ACTL6B: variants seen among roughly 807,000 people sequenced by gnomAD.
ACTL6B encodes actin like 6B.
A neutral mutation model predicts 63.3 loss-of-function variants in ACTL6B; 48 were observed. That is an observed-to-expected ratio of 0.76 (90% confidence interval 0.60 to 0.96). ACTL6B has a LOEUF of 0.96. Ranked by LOEUF, ACTL6B falls within the 50% of genes least tolerant of loss-of-function variation. The pLI is 0.00. For synonymous variants in ACTL6B, 230 were observed against 223.8 expected (o/e 1.03, Z -0.25); for missense variants, 350 against 572.2 (o/e 0.61, Z 3.96).
At chr7:100,644,019 CCTG>C (rs1401582675) in intron 13 of ACTL6B, among the ~76,000 whole-genome samples, 2 of 152,258 alleles carry the variant, frequency 1.3e-5, no homozygotes, top group East Asian at 3.9e-4. Flanking sequence ...CCTGCTTCAG[CCTG>C]CTGGGTAGCT....
In ACTL6B at chr7:100,648,225, T is replaced by C. The variant is rs150261646; in HGVS notation, c.669+331A>G. On this transcript the variant is annotated intron_variant, in intron 7 of 13. Coordinates refer to ENST00000160382, the MANE Select transcript of ACTL6B (RefSeq NM_016188.5). This position sits in a 1 kb window ranked among gnomAD's most constrained non-coding sequence, Gnocchi z 4.4. ...TGCCTGCCTCAGCCTCCCGAAGTGC[T>C]GGGATTACAGGTGTGAGCCACCATG... The C allele has an allele frequency of 2.8e-3, 540 of 190,994 alleles. 5 individuals carry two copies. Among genetic ancestry groups the C allele is most frequent in the African/African-American group, 0.012 (506 of 42,764 alleles). 11.8% of individuals were successfully genotyped at this position (190,994 alleles called of 1,614,324 possible). A position where few individuals can be genotyped will look rare whatever the true frequency, so the allele number is the denominator to read the frequency against.
At chr7:100,643,794 C>T (rs1339902772) in intron 13 of ACTL6B, among the ~76,000 whole-genome samples, 1 of 152,262 alleles carries the variant, frequency 6.6e-6, no homozygotes, top group African/African-American at 2.4e-5. Flanking sequence ...GGCACCCCAT[C>T]TGCAGCCTTC....
chr7:100,643,335 AG>A lies in ACTL6B; in HGVS notation c.1201-10del. On this transcript the variant is annotated splice_polypyrimidine_tract_variant and intron_variant, in intron 13 of 13. Coordinates refer to ENST00000160382, the MANE Select transcript of ACTL6B (RefSeq NM_016188.5). ...ATCTGCTGGAAAGTGCCCTGGGTGG[AG>A]GGGGTAATATCAGGGTCAGGGTGGC... 1 of 1,613,118 alleles carries A rather than the reference AG, an allele frequency of 6.2e-7. No individual in the cohort carries two copies. Among genetic ancestry groups the A allele is most frequent in the East Asian group, 2.2e-5 (1 of 44,812 alleles).
At chr7:100,651,118 A>G (rs954791922) in intron 4 of ACTL6B, among the ~76,000 whole-genome samples, 1 of 152,228 alleles carries the variant, frequency 6.6e-6, no homozygotes, top group Non-Finnish European at 1.5e-5. Context: ...TGCTGGAAGA[A>G]GGACAATGGA....
chr7:100,652,421 CAA>C (rs35689439), intron 4 of ACTL6B, among the ~76,000 whole-genome samples: 101 of 94,930 alleles, frequency 1.1e-3, no homozygotes, highest in Middle Eastern at 6.1e-3. Context: ...GACTCCATCT[CAA>C]AAAAAAAAAA....
rs1334334673 is a variant in ACTL6B at position 100,655,444 on chromosome 7, A to C, written c.245T>G (p.Met82Arg). Residue 82 changes from methionine to arginine, a missense_variant, in exon 3 of 14, where the codon ATG becomes AGG. Coordinates refer to ENST00000160382, the MANE Select transcript of ACTL6B (RefSeq NM_016188.5). The surrounding 1 kb of genome is among the most constrained non-coding windows in gnomAD (Gnocchi z 4.4). The part of the protein sequence containing the change: ...LHVPRDGAEV[M>R]SPLKNGMIED... Reference sequence around the variant, plus strand: ...ACTCATGCCATTCTTGAGGGGCGACATGACCTCCGCTCCATCCCGAGGCAC... The same window carrying C: ...ACTCATGCCATTCTTGAGGGGCGACCTGACCTCCGCTCCATCCCGAGGCAC... 1 of 1,613,974 alleles carries C rather than the reference A, an allele frequency of 6.2e-7. No homozygotes were observed. The highest frequency in any genetic ancestry group is 8.5e-7 in the Non-Finnish European group (1 of 1,179,990).
chr7:100,648,550 C>A lies in ACTL6B; in HGVS notation c.669+6G>T. 2 of 1,590,048 alleles carry A rather than the reference C, an allele frequency of 1.3e-6. No homozygotes were observed. The highest frequency in any genetic ancestry group is 1.7e-6 in the Non-Finnish European group (2 of 1,167,380). On this transcript the variant is annotated splice_donor_region_variant and intron_variant, in intron 7 of 13. Transcript: ENST00000160382. This position sits in a 1 kb window ranked among gnomAD's most constrained non-coding sequence, Gnocchi z 4.4. ...AGTGGCAGCTCCATGTCCCCAGAGGCCCCACCTTGGCTGCGATCATGTAAG... is the reference window on the plus strand; with the variant it reads ...AGTGGCAGCTCCATGTCCCCAGAGGACCCACCTTGGCTGCGATCATGTAAG...
Position 100,655,013 on chromosome 7 carries a change from A to C in ACTL6B, c.369+6T>G. Reference sequence around the variant, plus strand: ...GGTTGGACATGAGGATGGAGGAGGCACTCACCGGAGCCTCGGACATGAGCA... The same window carrying C: ...GGTTGGACATGAGGATGGAGGAGGCCCTCACCGGAGCCTCGGACATGAGCA... On this transcript the variant is annotated splice_donor_region_variant and intron_variant, in intron 4 of 13. Coordinates refer to ENST00000160382, the MANE Select transcript of ACTL6B (RefSeq NM_016188.5). The surrounding 1 kb of genome is among the most constrained non-coding windows in gnomAD (Gnocchi z 4.4). 6.2e-7 allele frequency: 1 copy of C among 1,611,722 alleles called. No individual in the cohort carries two copies. Among genetic ancestry groups the C allele is most frequent in the Non-Finnish European group, 8.5e-7 (1 of 1,178,268 alleles).
In ACTL6B at chr7:100,648,658, G is replaced by A. The variant is rs772895278; in HGVS notation, c.567C>T (p.Ile189=). 19 of 1,612,044 alleles carry A rather than the reference G, an allele frequency of 1.2e-5. No homozygotes were observed. The highest frequency in any genetic ancestry group is 1.5e-5 in the Non-Finnish European group (18 of 1,178,788). The change falls in exon 7 of 14, where the codon ATC becomes ATT. Residue 189 remains isoleucine, a synonymous_variant. Transcript: ENST00000160382. This position sits in a 1 kb window ranked among gnomAD's most constrained non-coding sequence, Gnocchi z 4.4. ...VHDGYVLQQG[I]VKSPLAGDFI... ...AGTCCCCTGCCAGAGGGGACTTGAC[G>A]ATGCCTAGAAGGAAGGCACTGTCAG...
chr7:100,649,547 C>T (rs1350684619), intron 5 of ACTL6B, among the ~76,000 whole-genome samples: 2 of 152,234 alleles, frequency 1.3e-5, no homozygotes, highest in African/African-American at 2.4e-5. Flanking sequence ...ATCTGCCCGC[C>T]TTGGCCTCCC....
rs557777299 is a variant in ACTL6B at position 100,647,008 on chromosome 7, C to T, written c.899G>A (p.Arg300His). 11 of 1,614,050 alleles carry T rather than the reference C, an allele frequency of 6.8e-6. No individual in the cohort carries two copies. The highest frequency in any genetic ancestry group is 2.2e-5 in the East Asian group (1 of 44,876). ...YNTDYGAERL[R>H]IPEGLFDPSN... The stretch of plus-strand genomic sequence containing the variant: ...GGGATCAAACAGGCCCTCAGGGATG[C>T]GGAGTCGCTCGGCGCCGTAGTCTGT... Residue 300 changes from arginine to histidine, a missense_variant, in exon 10 of 14, where the codon CGC (arginine) becomes CAC (histidine). Arg to His is a conservative substitution (Grantham distance 29). Transcript: ENST00000160382. The surrounding 1 kb of genome is among the most constrained non-coding windows in gnomAD (Gnocchi z 4.4).
At position 100,650,233 on chromosome 7, in the gene ACTL6B, TCACA is replaced by T; in HGVS notation, c.370-102_370-99del. On this transcript the variant is annotated intron_variant, in intron 4 of 13. Transcript: ENST00000160382. ...CACTCACTCACACATACACTCACGG[TCACA>T]CACACACATCCAAACACTTGCACAC... The T allele has an allele frequency of 6.4e-6, 6 of 944,622 alleles. No homozygotes were observed. The East Asian group carries it at 7.8e-5, about 12-fold the overall frequency. 58.5% of individuals were successfully genotyped at this position (944,622 alleles called of 1,614,324 possible).
In ACTL6B at chr7:100,645,294, G is replaced by A. The variant is rs528669368; in HGVS notation, c.1200+955C>T. ...AGCTCCCTGCTCAGTACCTTCCTTC[G>A]AACCCAGCAGCAGGTCCAGACTGAA... is the stretch of plus-strand genomic sequence containing the variant. On this transcript the variant is annotated intron_variant, in intron 13 of 13. Transcript: ENST00000160382. Among the ~76,000 whole-genome samples the A allele has an allele frequency of 7.2e-5, 11 of 152,014 alleles. No homozygotes were observed. The South Asian group carries it at 8.3e-4, about 11-fold the overall frequency.
rs530097650 is a variant in ACTL6B at position 100,650,532 on chromosome 7, CAT to C, written c.370-399_370-398del. Among the ~76,000 whole-genome samples, 25 of 152,250 alleles carry C rather than the reference CAT, an allele frequency of 1.6e-4. No individual in the cohort carries two copies. In the South Asian group the frequency reaches 5.2e-3, roughly 32 times the overall value. ...ATATTCACACTCACAGTCACACACA[CAT>C]GCATTTAAAACATTTGCACAGGCCA... On this transcript the variant is annotated intron_variant, in intron 4 of 13. Coordinates refer to ENST00000160382, the MANE Select transcript of ACTL6B (RefSeq NM_016188.5).
chr7:100,653,629 G>C (rs186111218), intron 4 of ACTL6B, among the ~76,000 whole-genome samples: 3 of 152,072 alleles, frequency 2.0e-5, no homozygotes, highest in African/African-American at 7.2e-5. Context: ...GTGACAAACT[G>C]AGCAGACCCC....
At position 100,645,182 on chromosome 7, in the gene ACTL6B, C is replaced by T. The variant is rs139054946; in HGVS notation, c.1200+1067G>A. Among the ~76,000 whole-genome samples the T allele has an allele frequency of 6.2e-3, 951 of 152,292 alleles. 5 individuals carry two copies. The highest frequency in any genetic ancestry group is 0.031 in the Middle Eastern group (9 of 294). ...TGGTTTCTGTCTCCCTGGGGGACTT[C>T]CTTTCTCGTGGATGTCCTCCTTGTC... On this transcript the variant is annotated intron_variant, in intron 13 of 13. Coordinates refer to ENST00000160382, the MANE Select transcript of ACTL6B (RefSeq NM_016188.5).
intron 4 of ACTL6B, among the ~76,000 whole-genome samples, chr7:100,651,550 CAAAA>C (rs879628241): frequency 8.8e-6 from 1 of 113,920 alleles, no homozygotes; most frequent in South Asian, 2.7e-4. Flanking sequence ...CACTTCATCT[CAAAA>C]AAAAAAAAAA....
chr7:100,647,785 C>G lies in ACTL6B; in HGVS notation c.670-252G>C, dbSNP rs1803852025. 1 of 479,900 alleles carries G rather than the reference C, an allele frequency of 2.1e-6. No individual in the cohort carries two copies. Among genetic ancestry groups the G allele is most frequent in the Admixed American group, 3.7e-5 (1 of 26,956 alleles). 29.7% of individuals were successfully genotyped at this position (479,900 alleles called of 1,614,324 possible). On this transcript the variant is annotated intron_variant, in intron 7 of 13. Coordinates refer to ENST00000160382, the MANE Select transcript of ACTL6B (RefSeq NM_016188.5). The surrounding 1 kb of genome is among the most constrained non-coding windows in gnomAD (Gnocchi z 4.4). The stretch of plus-strand genomic sequence containing the variant: ...CAGGAATACAGCAGTGACAGAACCT[C>G]AAGGGAATGGCCTCCTAGGGGGTCA...
chr7:100,650,125 C>T lies in ACTL6B; in HGVS notation c.380G>A (p.Arg127Gln), dbSNP rs1427125523. The T allele has an allele frequency of 1.2e-6, 2 of 1,613,656 alleles. No individual in the cohort carries two copies. The highest frequency in any genetic ancestry group is 3.3e-5 in the Admixed American group (2 of 59,950). ...CTCTGTCAGCTTCTCCCGCTTGGCC[C>T]GTGTGTTCCACTGTGGAGAAAGTGC... ...VLMSEAPWNT[R>Q]AKREKLTELM... Residue 127 changes from arginine (R) to glutamine (Q), a missense_variant, in exon 5 of 14, where the codon CGG becomes CAG. Physicochemically the swap from Arg to Gln is conservative, Grantham distance 43. Around this residue, in one of 3 missense-constraint regions of ACTL6B, gnomAD observed 250 missense variants for 364.7 expected, o/e 0.69. Coordinates refer to ENST00000160382, the MANE Select transcript of ACTL6B (RefSeq NM_016188.5).
Sources: allele counts gnomAD v4.1 joint callset (sites outside exome capture counted in the v4.1 genomes callset), GRCh38; gene constraint gnomAD v4.1.1; regional missense constraint gnomAD v4.1.1; non-coding constraint Gnocchi (gnomAD v3.1); transcripts MANE v1.5; gene names NCBI Gene and HGNC (gene_info 2026-07-23, HGNC 2026-07-21).